HTR2C: variants seen among roughly 807,000 people sequenced by gnomAD.
HTR2C encodes 5-hydroxytryptamine (serotonin) receptor 2C, G protein-coupled.
HTR2C carries 5 observed loss-of-function variants against 21.0 expected under a neutral mutation model. The ratio of observed to expected loss-of-function variants is 0.24; its 90% confidence interval spans 0.12 to 0.50. The LOEUF is 0.50. HTR2C is among the 20% of genes least tolerant of loss of function. HTR2C has a pLI of 0.98. For synonymous variants in HTR2C, 150 were observed against 145.3 expected, an observed-to-expected ratio of 1.03 and a Z score of -0.23; for missense variants, 271 against 371.2, an observed-to-expected ratio of 0.73 and a Z score of 2.22.
intron 5 of HTR2C, among the ~76,000 whole-genome samples, chrX:114,884,544 T>TA (rs782700558): frequency 5.5e-4 from 61 of 110,402 alleles, no homozygotes; most frequent in African/African-American, 7.9e-4. Flanking sequence ...CCGGCACATA[T>TA]AAAAAAAATG....
chrX:114,704,569 G>C (rs1243516133), intron 2 of HTR2C, among the ~76,000 whole-genome samples: 8 of 111,535 alleles, frequency 7.2e-5, no homozygotes, highest in African/African-American at 2.0e-4. Context: ...AAAATAGTAA[G>C]AGCTATCTAT....
chrX:114,867,253 G>A (rs781804710), intron 5 of HTR2C, among the ~76,000 whole-genome samples: 18 of 111,420 alleles, frequency 1.6e-4, no homozygotes, highest in African/African-American at 4.9e-4. Flanking sequence ...TCTCTGATGA[G>A]CAATTACGTT....
chrX:114,625,548 A>G (rs1556402659), intron 2 of HTR2C, among the ~76,000 whole-genome samples: 1 of 111,154 alleles, frequency 9.0e-6, no homozygotes, highest in African/African-American at 3.3e-5. Flanking sequence ...CATGAGTGGA[A>G]GCAGCCCGAG....
At chrX:114,806,743 TATATATACACCATATATATACACACC>T (rs1402959616) in intron 4 of HTR2C, among the ~76,000 whole-genome samples, 1 of 80,277 alleles carries the variant, frequency 1.2e-5, no homozygotes, top group Non-Finnish European at 2.4e-5. Flanking sequence ...ATACACACCA[TATATATACACCATATATATACACACC>T]ATATATATAC....
intron 5 of HTR2C, among the ~76,000 whole-genome samples, chrX:114,896,599 T>A (rs1410168240): frequency 8.9e-6 from 1 of 112,379 alleles, no homozygotes; most frequent in Non-Finnish European, 1.9e-5. Flanking sequence ...ATACCCACTT[T>A]CATCTCTGCT....
At chrX:114,890,681 T>C (rs1404808817) in intron 5 of HTR2C, among the ~76,000 whole-genome samples, 1 of 112,298 alleles carries the variant, frequency 8.9e-6, no homozygotes, top group Non-Finnish European at 1.9e-5. Context: ...GTGTGTCCTG[T>C]CCTTCATAGT....
intron 5 of HTR2C, among the ~76,000 whole-genome samples, chrX:114,896,708 T>C (rs2071299479): frequency 8.9e-6 from 1 of 112,306 alleles, no homozygotes; most frequent in Non-Finnish European, 1.9e-5. Flanking sequence ...TTCCATAATT[T>C]CTAACTTTGT....
At chrX:114,700,892 G>C (rs782292464) in intron 2 of HTR2C, among the ~76,000 whole-genome samples, 2 of 112,080 alleles carry the variant, frequency 1.8e-5, no homozygotes, top group East Asian at 5.6e-4. Context: ...AAAAAACAGC[G>C]CACCAGGAGA....
In HTR2C at chrX:114,776,368, C is replaced by T. The variant is rs782806182; in HGVS notation, c.349+44761C>T. On this transcript the variant is annotated intron_variant, in intron 4 of 5. Transcript: ENST00000276198. ...TGACCACAGCATTGGTAACAGTCTT[C>T]CCAAGGTAGGCTTCTGCAATTTCCT... 13 of 731,703 alleles carry T rather than the reference C, an allele frequency of 1.8e-5. No individual in the cohort carries two copies. The Middle Eastern group carries it at 9.0e-4, about 51-fold the overall frequency. 60.3% of individuals were successfully genotyped at this position (731,703 alleles called of 1,213,427 possible).
intron 4 of HTR2C, among the ~76,000 whole-genome samples, chrX:114,837,041 A>T (rs1259370376): frequency 9.0e-6 from 1 of 111,701 alleles, no homozygotes; most frequent in Non-Finnish European, 1.9e-5. Flanking sequence ...GACATACTTT[A>T]GTTTAAGAAA....
At chrX:114,675,857 G>A (rs1432638264) in intron 2 of HTR2C, among the ~76,000 whole-genome samples, 4 of 100,347 alleles carry the variant, frequency 4.0e-5, no homozygotes, top group African/African-American at 1.1e-4. Context: ...AAGACTTTTC[G>A]TTTCTTTTTT....
chrX:114,798,331 C>G (rs150949572), intron 4 of HTR2C, among the ~76,000 whole-genome samples: 256 of 110,797 alleles, frequency 2.3e-3, no homozygotes, highest in African/African-American at 7.5e-3. Flanking sequence ...GACCACAGTC[C>G]TTTACAATCA....
At chrX:114,709,694 C>T (rs1449093196) in intron 2 of HTR2C, among the ~76,000 whole-genome samples, 1 of 111,452 alleles carries the variant, frequency 9.0e-6, no homozygotes, top group Non-Finnish European at 1.9e-5. Flanking sequence ...TTTAGGACAA[C>T]GATTTCTTTG....
At chrX:114,880,607 C>T (rs1000051736) in intron 5 of HTR2C, among the ~76,000 whole-genome samples, 1 of 111,029 alleles carries the variant, frequency 9.0e-6, no homozygotes, top group Non-Finnish European at 1.9e-5. Flanking sequence ...TAAGCAAGAA[C>T]GAATTGACTA....
At chrX:114,711,807 A>G (rs1325462615) in intron 2 of HTR2C, among the ~76,000 whole-genome samples, 1 of 112,153 alleles carries the variant, frequency 8.9e-6, no homozygotes, top group Admixed American at 9.6e-5. Context: ...ACTAACTTTT[A>G]TCACTGTGCC....
intron 5 of HTR2C, among the ~76,000 whole-genome samples, chrX:114,891,207 G>A (rs782554961): frequency 2.0e-4 from 22 of 110,437 alleles, no homozygotes; most frequent in Middle Eastern, 4.7e-3. Context: ...TATTTGCCTC[G>A]AACTTATTGA....
intron 2 of HTR2C, among the ~76,000 whole-genome samples, chrX:114,663,365 ATAAAT>A (rs782101408): frequency 1.4e-3 from 152 of 111,579 alleles, no homozygotes; most frequent in African/African-American, 2.5e-3. Flanking sequence ...GAAAAATGAA[ATAAAT>A]TAAAATATTA....
At chrX:114,697,659 A>G (rs966831462) in intron 2 of HTR2C, among the ~76,000 whole-genome samples, 1 of 112,383 alleles carries the variant, frequency 8.9e-6, no homozygotes, top group African/African-American at 3.2e-5. Context: ...ACATCCTGCA[A>G]TTCTTCTGTT....
rs189666624 is a variant in HTR2C, at chrX:114,808,208, G to A, written c.350-39795G>A. ...TAATTTTTTTAGCTCCCATTTATAA[G>A]CGAGAACATGTGAAGTTTGTCTTTC... On this transcript the variant is annotated intron_variant, in intron 4 of 5. Transcript: ENST00000276198. 3.9e-3 allele frequency among the ~76,000 whole-genome samples: 432 copies of A among 110,825 alleles called. 4 individuals are homozygous for A. Among genetic ancestry groups the A allele is most frequent in the African/African-American group, 0.014 (416 of 30,422 alleles).
Sources: allele counts gnomAD v4.1 joint callset (sites outside exome capture counted in the v4.1 genomes callset), GRCh38; gene constraint gnomAD v4.1.1; transcripts MANE v1.5; gene names NCBI Gene and HGNC (gene_info 2026-07-23, HGNC 2026-07-21).